The following PCDHA5 variants were observed in gnomAD, a reference collection of about 807,000 sequenced individuals.
The protein encoded by PCDHA5 is protocadherin alpha-5.
Under a neutral mutation model 61.6 loss-of-function variants are expected in PCDHA5, and 43 were observed. The ratio of observed to expected loss-of-function variants is 0.70; its 90% CI spans 0.55 to 0.90. PCDHA5 has a LOEUF of 0.90. Ranked by LOEUF, PCDHA5 falls within the 40% of genes least tolerant of loss-of-function variation. PCDHA5 has a pLI of 0.00. For synonymous variants in PCDHA5, 627 were observed against 543.9 expected, an observed-to-expected ratio of 1.15 and a Z score of -2.13; for missense variants, 1,298 against 1,222.7, an observed-to-expected ratio of 1.06 and a Z score of -0.92.
intron 3 of PCDHA5, among the ~76,000 whole-genome samples, chr5:140,985,454 A>G (rs1378044295): frequency 1.3e-5 from 2 of 152,188 alleles, no homozygotes; most frequent in Non-Finnish European, 2.9e-5. Context: ...GAAAAGGGAA[A>G]TGCTCCAAAA....
intron 1 of PCDHA5, among the ~76,000 whole-genome samples, chr5:140,833,741 C>T (rs1772605198): frequency 8.1e-6 from 1 of 122,760 alleles, no homozygotes; most frequent in African/African-American, 3.1e-5. Context: ...TTCTTGCCTC[C>T]TAAAAAGAAA....
chr5:140,899,752 A>G lies in PCDHA5; in HGVS notation c.2352+75625A>G, dbSNP rs190521600. On this transcript the variant is annotated intron_variant, in intron 1 of 3. Transcript: ENST00000529859. ...ATTGATTGGAATAGTTTCAGAAGGA[A>G]TGGTACCAGTTCCTCCTTTTACCTC... Among the ~76,000 whole-genome samples the G allele has an allele frequency of 4.0e-4, 61 of 152,320 alleles. No homozygotes were observed. The East Asian group carries it at 8.7e-3, about 22-fold the overall frequency.
At chr5:140,852,040 G>A (rs2150280605) in intron 1 of PCDHA5, 1 of 922,330 alleles carries the variant, frequency 1.1e-6, no homozygotes, top group Admixed American at 6.3e-5. Flanking sequence ...TTGAGTTTTT[G>A]TTATGTGGTT....
intron 1 of PCDHA5, chr5:140,864,131 C>T (rs1191478097): frequency 2.0e-5 from 3 of 152,082 alleles, no homozygotes; most frequent in Non-Finnish European, 2.9e-5. Context: ...GACTGAGTGG[C>T]TGTTTCCTGT....
Position 140,822,711 on chromosome 5 carries a change from T to C in PCDHA5, c.936T>C (p.Tyr312=). Residue 312 remains tyrosine, a synonymous_variant, in exon 1 of 4, where the codon TAT becomes TAC. Transcript: ENST00000529859. Reference sequence around the variant, plus strand: ...ACGGGGAACTGGATTATGAAGACTATAACTCATATGAAATTAATATTGATG... The same window carrying C: ...ACGGGGAACTGGATTATGAAGACTACAACTCATATGAAATTAATATTGATG... ...KVNGELDYED[Y]NSYEINIDAM... 4 of 1,610,926 alleles carry C rather than the reference T, an allele frequency of 2.5e-6. No individual in the cohort carries two copies. Among genetic ancestry groups the C allele is most frequent in the Non-Finnish European group, 3.4e-6 (4 of 1,177,106 alleles).
chr5:140,861,926 G>A (rs994509144), intron 1 of PCDHA5: 10 of 153,960 alleles, frequency 6.5e-5, no homozygotes, highest in African/African-American at 2.2e-4. Context: ...GGATGTAAAT[G>A]ATGATGCCCA....
intron 1 of PCDHA5, chr5:140,871,489 G>T: frequency 1.3e-6 from 2 of 1,590,138 alleles, no homozygotes; most frequent in Non-Finnish European, 1.7e-6. Flanking sequence ...AAATCACCCC[G>T]GACAGGTGAG....
intron 3 of PCDHA5, among the ~76,000 whole-genome samples, chr5:140,995,128 C>T (rs2097665772): frequency 6.6e-6 from 1 of 152,146 alleles, no homozygotes; most frequent in African/African-American, 2.4e-5. Context: ...ATGCCTGAAA[C>T]CTCATTTAGT....
At chr5:140,936,552 T>C (rs1408956922) in intron 1 of PCDHA5, among the ~76,000 whole-genome samples, 5 of 152,234 alleles carry the variant, frequency 3.3e-5, no homozygotes, top group Admixed American at 3.3e-4. Flanking sequence ...AATGTAGAAG[T>C]CAAGATTTAT....
At chr5:140,945,366 T>A (rs1367581632) in intron 1 of PCDHA5, among the ~76,000 whole-genome samples, 6 of 152,036 alleles carry the variant, frequency 3.9e-5, no homozygotes, top group Non-Finnish European at 8.8e-5. Context: ...GTTTAAAATG[T>A]CCATATTACC....
chr5:140,949,537 C>A (rs1359504503), intron 1 of PCDHA5, among the ~76,000 whole-genome samples: 1 of 151,692 alleles, frequency 6.6e-6, no homozygotes, highest in African/African-American at 2.4e-5. Flanking sequence ...CATAAAATAT[C>A]GATTTGTTGC....
At chr5:140,945,000 G>T (rs980802301) in intron 1 of PCDHA5, among the ~76,000 whole-genome samples, 2 of 151,862 alleles carry the variant, frequency 1.3e-5, no homozygotes. Flanking sequence ...AACGGTTGTG[G>T]GTCATGAATT....
At chr5:140,934,100 T>C (rs554832439) in intron 1 of PCDHA5, among the ~76,000 whole-genome samples, 3 of 152,280 alleles carry the variant, frequency 2.0e-5, no homozygotes, top group Non-Finnish European at 4.4e-5. Context: ...GTTTGCTTTC[T>C]ATTTTATTAA....
chr5:140,860,407 G>C (rs2046379214), intron 1 of PCDHA5: 1 of 151,974 alleles, frequency 6.6e-6, no homozygotes, highest in African/African-American at 2.4e-5. Flanking sequence ...AAAAGCAATA[G>C]TAACACCATT....
intron 1 of PCDHA5, among the ~76,000 whole-genome samples, chr5:140,970,416 G>A (rs536181177): frequency 2.4e-4 from 36 of 152,326 alleles, no homozygotes; most frequent in African/African-American, 8.2e-4. Context: ...CTACAGTAAG[G>A]TGTAGAGGCA....
chr5:140,863,212 C>A, intron 1 of PCDHA5: 1 of 1,051,288 alleles, frequency 9.5e-7, no homozygotes, highest in Non-Finnish European at 1.4e-6. Flanking sequence ...GGAGAGCAGC[C>A]AAGCGAGGAA....
rs2150441270 is a variant in PCDHA5, at chr5:140,849,579, G to A, written c.2352+25452G>A. ...AACGCTCTCGGTTCCTGTAAAAGAG[G>A]ACGCACAACTGGGGACAGTTATTGC... On this transcript the variant is annotated intron_variant, in intron 1 of 3. Coordinates refer to ENST00000529859, the MANE Select transcript of PCDHA5 (RefSeq NM_018908.3). 7 of 1,598,680 alleles carry A rather than the reference G, an allele frequency of 4.4e-6. 3 individuals carry two copies. The highest frequency in any genetic ancestry group is 2.2e-5 in the South Asian group (2 of 90,552).
At position 140,928,315 on chromosome 5, in the gene PCDHA5, G is replaced by A. The variant is rs535660713; in HGVS notation, c.2353-50634G>A. On this transcript the variant is annotated intron_variant, in intron 1 of 3. Coordinates refer to ENST00000529859, the MANE Select transcript of PCDHA5 (RefSeq NM_018908.3). ...AGTGTTTGCCCAGGACCCCGACCTG[G>A]GGAAGAATGGCCTTGTCTCTTATGA... The A allele has an allele frequency of 1.3e-4, 210 of 1,614,054 alleles. No homozygotes were observed. Among genetic ancestry groups the A allele is most frequent in the Non-Finnish European group, 1.7e-4 (203 of 1,180,048 alleles).
intron 1 of PCDHA5, among the ~76,000 whole-genome samples, chr5:140,943,423 T>C (rs782562871): frequency 5.3e-5 from 8 of 152,080 alleles, no homozygotes; most frequent in Non-Finnish European, 7.4e-5. Context: ...GGCAAGGGCT[T>C]TAATATGATA....
Sources: gnomAD v4.1 joint callset for allele counts (sites outside exome capture counted in the v4.1 genomes callset) on GRCh38, gnomAD v4.1.1 for gene constraint, MANE v1.5 for transcripts, NCBI Gene and HGNC (gene_info 2026-07-23, HGNC 2026-07-21) for gene names.